ATRNL1: variants seen among roughly 807,000 people sequenced by gnomAD.
The protein encoded by ATRNL1 is attractin like 1, also known as attractin-like protein 1.
Under a neutral mutation model 182.7 loss-of-function variants are expected in ATRNL1, and 95 were observed. The ratio of observed to expected loss-of-function variants is 0.52; its 90% CI spans 0.44 to 0.62. The LOEUF (loss-of-function observed/expected upper bound fraction) is 0.62. ATRNL1 is among the 20% of genes least tolerant of loss of function. The pLI, the probability that ATRNL1 is intolerant of heterozygous loss-of-function variation, is 0.00. For synonymous variants in ATRNL1, 576 were observed against 568.3 expected (o/e 1.01, Z -0.19); for missense variants, 1,471 against 1,679.5 (o/e 0.88, Z 2.17).
In ATRNL1 at chr10:115,583,879, C is replaced by T. The variant is rs868970366; in HGVS notation, c.3795+34343C>T. ...TTTTGCCCATTCAGTATGATATTGG[C>T]TGTGGGTTTGTCATAGACAGCTCTT... is the stretch of plus-strand genomic sequence containing the variant. On this transcript the variant is annotated intron_variant, in intron 26 of 28. Transcript: ENST00000355044. 4.3e-3 allele frequency among the ~76,000 whole-genome samples: 652 copies of T among 151,150 alleles called. 3 individuals carry two copies. The highest frequency in any genetic ancestry group is 0.015 in the African/African-American group (621 of 41,440).
intron 26 of ATRNL1, among the ~76,000 whole-genome samples, chr10:115,664,210 G>A (rs1555039009): frequency 6.6e-6 from 1 of 152,164 alleles, no homozygotes; most frequent in African/African-American, 2.4e-5. Flanking sequence ...CAATCTGTAG[G>A]AAGCCTCACA....
chr10:115,121,403 C>A (rs1387844359), intron 2 of ATRNL1, among the ~76,000 whole-genome samples: 2 of 152,184 alleles, frequency 1.3e-5, no homozygotes, highest in African/African-American at 2.4e-5. Flanking sequence ...AGCCACTGCA[C>A]CTGGCTGAAC....
At chr10:115,524,848 A>G (rs1308202838) in intron 25 of ATRNL1, among the ~76,000 whole-genome samples, 1 of 152,222 alleles carries the variant, frequency 6.6e-6, no homozygotes, top group Admixed American at 6.5e-5. Flanking sequence ...ATAAGAGGAC[A>G]TGATGATATT....
intron 8 of ATRNL1, among the ~76,000 whole-genome samples, chr10:115,190,131 C>T (rs1287977270): frequency 6.6e-6 from 1 of 152,084 alleles, no homozygotes; most frequent in Non-Finnish European, 1.5e-5. Flanking sequence ...GATGTTCACA[C>T]AGTGATGAAA....
At chr10:115,726,310 A>C (rs1234396345) in intron 26 of ATRNL1, among the ~76,000 whole-genome samples, 1 of 152,226 alleles carries the variant, frequency 6.6e-6, no homozygotes, top group Admixed American at 6.5e-5. Context: ...CATTGTGTTC[A>C]AGGATTTTGC....
chr10:115,233,714 T>C (rs1850057331), intron 9 of ATRNL1, among the ~76,000 whole-genome samples: 1 of 152,126 alleles, frequency 6.6e-6, no homozygotes, highest in Admixed American at 6.6e-5. Flanking sequence ...AGGGTTTATA[T>C]TATGAATGGA....
chr10:115,821,968 A>G (rs1950310174), intron 27 of ATRNL1, among the ~76,000 whole-genome samples: 1 of 152,232 alleles, frequency 6.6e-6, no homozygotes, highest in South Asian at 2.1e-4. Context: ...CCAAATCAAC[A>G]GAATATACAA....
At chr10:115,884,549 T>C (rs1951898615) in intron 28 of ATRNL1, among the ~76,000 whole-genome samples, 1 of 152,214 alleles carries the variant, frequency 6.6e-6, no homozygotes, top group Non-Finnish European at 1.5e-5. Flanking sequence ...GATAATATTA[T>C]GGGGAATCGT....
chr10:115,546,192 G>T (rs1429212534), intron 25 of ATRNL1, among the ~76,000 whole-genome samples: 2 of 151,956 alleles, frequency 1.3e-5, no homozygotes, highest in African/African-American at 4.8e-5. Flanking sequence ...AGTTCTTAAG[G>T]GTATGATGGT....
Position 115,315,686 on chromosome 10 carries a change from A to G in ATRNL1, c.2987A>G (p.Asn996Ser), listed in dbSNP as rs1254813094. 6 of 1,613,754 alleles carry G rather than the reference A, an allele frequency of 3.7e-6. No individual in the cohort carries two copies. The highest frequency in any genetic ancestry group is 2.7e-5 in the African/African-American group (2 of 74,908). The part of the protein sequence containing the change: ...MHHSEMVLDT[N>S]LCPKEKNYEW... ...CACAGTGAGATGGTTCTTGACACCA[A>G]TCTTTGCCCCAAAGAAAAGAACTAT... Residue 996 changes from asparagine (N) to serine (S), a missense_variant, in exon 18 of 29, where the codon AAT (asparagine) becomes AGT (serine). Asn to Ser is a conservative substitution (Grantham distance 46). Coordinates refer to ENST00000355044, the MANE Select transcript of ATRNL1 (RefSeq NM_207303.4).
intron 25 of ATRNL1, among the ~76,000 whole-genome samples, chr10:115,524,832 A>T (rs1281783352): frequency 6.6e-6 from 1 of 152,004 alleles, no homozygotes; most frequent in Non-Finnish European, 1.5e-5. Flanking sequence ...GAACACCCCA[A>T]CTCTAATAAG....
At chr10:115,650,076 T>C (rs1451112579) in intron 26 of ATRNL1, among the ~76,000 whole-genome samples, 2 of 152,102 alleles carry the variant, frequency 1.3e-5, no homozygotes, top group East Asian at 1.9e-4. Flanking sequence ...ACTAAATAAA[T>C]AGTATTGGAT....
chr10:115,109,817 C>G (rs1844182104), intron 1 of ATRNL1, among the ~76,000 whole-genome samples: 1 of 152,182 alleles, frequency 6.6e-6, no homozygotes, highest in South Asian at 2.1e-4. Flanking sequence ...AAAAACAGAG[C>G]TTTACTGAGT....
chr10:115,779,049 C>T (rs919916578), intron 27 of ATRNL1, among the ~76,000 whole-genome samples: 1 of 151,960 alleles, frequency 6.6e-6, no homozygotes, highest in Non-Finnish European at 1.5e-5. Context: ...TCTTAAATTC[C>T]CTAGAAACAG....
chr10:115,737,929 C>T (rs1948006654), intron 27 of ATRNL1, among the ~76,000 whole-genome samples: 1 of 151,796 alleles, frequency 6.6e-6, no homozygotes. Context: ...TTGGCCAGTC[C>T]AAATGGGAGA....
intron 19 of ATRNL1, among the ~76,000 whole-genome samples, chr10:115,381,013 T>C (rs782233335): frequency 1.6e-4 from 25 of 152,150 alleles, no homozygotes; most frequent in Non-Finnish European, 3.2e-4. Flanking sequence ...CAGCAGTTCA[T>C]GTGTGTTTCT....
chr10:115,904,152 C>G (rs1353858752), intron 28 of ATRNL1, among the ~76,000 whole-genome samples: 1 of 152,154 alleles, frequency 6.6e-6, no homozygotes, highest in Non-Finnish European at 1.5e-5. Flanking sequence ...AGTCCTCAAG[C>G]CAATCACCTG....
chr10:115,216,543 G>C (rs1554896288), intron 9 of ATRNL1, among the ~76,000 whole-genome samples: 1 of 151,986 alleles, frequency 6.6e-6, no homozygotes, highest in Non-Finnish European at 1.5e-5. Flanking sequence ...CCTGTTTAGT[G>C]AATTGCCTAC....
At chr10:115,436,397 A>G (rs191514528) in intron 21 of ATRNL1, among the ~76,000 whole-genome samples, 65 of 152,218 alleles carry the variant, frequency 4.3e-4, no homozygotes, top group Admixed American at 4.2e-3. Context: ...TATTTGTAAG[A>G]CTGAATGAAT....
Sources: allele counts gnomAD v4.1 joint callset (sites outside exome capture counted in the v4.1 genomes callset), GRCh38; gene constraint gnomAD v4.1.1; transcripts MANE v1.5; gene names NCBI Gene and HGNC (gene_info 2026-07-23, HGNC 2026-07-21).